Variants in CERS6 observed in about 807,000 individuals in gnomAD.
CERS6 encodes LAG1 homolog, ceramide synthase 6.
CERS6 carries 26 observed loss-of-function variants against 56.8 expected under a neutral mutation model. The ratio of observed to expected loss-of-function variants is 0.46; its 90% CI spans 0.34 to 0.63. The LOEUF is 0.63. Among genes scored for constraint, CERS6 ranks in the 30% least tolerant of loss-of-function variants. The pLI is 0.01. For synonymous variants in CERS6, 164 were observed against 173.3 expected (o/e 0.95, Z 0.42); for missense variants, 415 against 467.5 (o/e 0.89, Z 1.04).
intron 8 of CERS6, among the ~76,000 whole-genome samples, chr2:168,742,341 A>G (rs1683938293): frequency 6.6e-6 from 1 of 152,224 alleles, no homozygotes; most frequent in South Asian, 2.1e-4. Context: ...TTTACTCAAA[A>G]GTTATGCGTA....
chr2:168,558,048 T>C (rs1240394238), intron 2 of CERS6, among the ~76,000 whole-genome samples: 3 of 152,288 alleles, frequency 2.0e-5, no homozygotes, highest in East Asian at 3.9e-4. Flanking sequence ...AATGCTTCTC[T>C]CATAAAAAGG....
At chr2:168,557,118 TG>T (rs1310152863) in intron 2 of CERS6, among the ~76,000 whole-genome samples, 7 of 151,912 alleles carry the variant, frequency 4.6e-5, no homozygotes, top group Non-Finnish European at 7.4e-5. Context: ...TGAGCCGTGA[TG>T]GCGCCACTGT....
intron 8 of CERS6, among the ~76,000 whole-genome samples, chr2:168,763,493 C>T (rs142547275): frequency 0.018 from 2,652 of 151,440 alleles, 76 homozygotes; most frequent in African/African-American, 0.061. Flanking sequence ...AACTCCTGAC[C>T]TCAGGTGATC....
chr2:168,517,485 C>T (rs1277069754), intron 1 of CERS6, among the ~76,000 whole-genome samples: 1 of 149,792 alleles, frequency 6.7e-6, no homozygotes, highest in Non-Finnish European at 1.5e-5. Flanking sequence ...CAGCAAGACA[C>T]TGCCTCAAAA....
intron 6 of CERS6, among the ~76,000 whole-genome samples, chr2:168,695,367 A>G (rs1686619921): frequency 3.3e-5 from 5 of 152,164 alleles, no homozygotes; most frequent in Non-Finnish European, 7.4e-5. Flanking sequence ...ATAAAAAGCA[A>G]GAATTCTATT....
At chr2:168,559,068 A>G (rs1695737199) in intron 2 of CERS6, among the ~76,000 whole-genome samples, 1 of 152,216 alleles carries the variant, frequency 6.6e-6, no homozygotes, top group African/African-American at 2.4e-5. Flanking sequence ...AAGAAAATAA[A>G]TTGAAATTAA....
At chr2:168,535,025 TCGGGGACACGTCTTGGGACCAAGC>T (rs759148775) in intron 1 of CERS6, among the ~76,000 whole-genome samples, 4 of 152,222 alleles carry the variant, frequency 2.6e-5, no homozygotes, top group Non-Finnish European at 5.9e-5. Flanking sequence ...TGTTGGGCTG[TCGGGGACACGTCTTGGGACCAAGC>T]CGTCCAGCCT....
intron 6 of CERS6, among the ~76,000 whole-genome samples, chr2:168,709,534 G>C (rs1687037192): frequency 6.6e-6 from 1 of 152,078 alleles, no homozygotes; most frequent in Admixed American, 6.6e-5. Flanking sequence ...AGTATGTCCA[G>C]AAACAATATG....
intron 3 of CERS6, among the ~76,000 whole-genome samples, chr2:168,572,761 G>A (rs983460170): frequency 5.3e-5 from 8 of 152,032 alleles, no homozygotes; most frequent in African/African-American, 1.2e-4. Flanking sequence ...GAGACTTGCC[G>A]TGTTCGCTGT....
chr2:168,746,820 T>TATATATATATAA (rs1329677014), intron 8 of CERS6, among the ~76,000 whole-genome samples: 10 of 80,030 alleles, frequency 1.2e-4, no homozygotes, highest in Non-Finnish European at 1.7e-4. Context: ...TATATATATA[T>TATATATATATAA]AAAATCATCT....
At chr2:168,736,506 T>A (rs1683721845) in intron 8 of CERS6, among the ~76,000 whole-genome samples, 1 of 151,780 alleles carries the variant, frequency 6.6e-6, no homozygotes, top group Non-Finnish European at 1.5e-5. Context: ...GAAAAAAAAA[T>A]GTTTTGTAGC....
chr2:168,555,510 A>G (rs984932185), intron 2 of CERS6, among the ~76,000 whole-genome samples: 2 of 152,124 alleles, frequency 1.3e-5, no homozygotes, highest in Admixed American at 6.5e-5. Flanking sequence ...AACTATAACT[A>G]TAATTTTAAC....
At position 168,769,861 on chromosome 2, in the gene CERS6, T is replaced by C; in HGVS notation, c.*199T>C. On this transcript the variant is annotated 3_prime_UTR_variant, in exon 10 of 10. Transcript: ENST00000305747. ...TACCATTCTCTCTTTGTAGGCATGC[T>C]GTATGTAATTGACACAAGGGAACAG... 1 of 571,072 alleles carries C rather than the reference T, an allele frequency of 1.8e-6. No individual in the cohort carries two copies. The highest frequency in any genetic ancestry group is 3.0e-6 in the Non-Finnish European group (1 of 329,640). The allele number at this position is 571,072 out of a possible 1,614,324, so 35.4% of individuals were successfully genotyped here.
At chr2:168,589,218 T>TTTCC (rs542174006) in intron 3 of CERS6, among the ~76,000 whole-genome samples, 6 of 152,242 alleles carry the variant, frequency 3.9e-5, no homozygotes, top group Admixed American at 1.3e-4. Context: ...ACTTTGTTTT[T>TTTCC]TTCCTTCCTT....
At chr2:168,601,288 C>T (rs1683926464) in intron 3 of CERS6, among the ~76,000 whole-genome samples, 6 of 152,136 alleles carry the variant, frequency 3.9e-5, no homozygotes, top group Admixed American at 3.9e-4. Flanking sequence ...TTGAACCTAT[C>T]CCTGTATAAT....
chr2:168,590,708 A>G (rs958559500), intron 3 of CERS6, among the ~76,000 whole-genome samples: 5 of 152,172 alleles, frequency 3.3e-5, no homozygotes, highest in Non-Finnish European at 7.3e-5. Flanking sequence ...AATGTGTACT[A>G]TTAGTGGTGG....
chr2:168,562,552 A>C (rs1377856351), intron 3 of CERS6, among the ~76,000 whole-genome samples: 1 of 152,274 alleles, frequency 6.6e-6, no homozygotes, highest in Non-Finnish European at 1.5e-5. Context: ...AAGGGAAGGT[A>C]CTATGACTGG....
chr2:168,559,734 C>CT (rs1695752127), intron 2 of CERS6, among the ~76,000 whole-genome samples: 1 of 85,510 alleles, frequency 1.2e-5, no homozygotes, highest in Non-Finnish European at 2.5e-5. Flanking sequence ...AGAAAGGTAT[C>CT]ATATATATAT....
At chr2:168,525,663 A>G (rs879773610) in intron 1 of CERS6, among the ~76,000 whole-genome samples, 2 of 152,200 alleles carry the variant, frequency 1.3e-5, no homozygotes, top group Non-Finnish European at 2.9e-5. Flanking sequence ...CTGTGAAATG[A>G]TTTTATTTTG....
Sources: gnomAD v4.1 joint callset for allele counts (sites outside exome capture counted in the v4.1 genomes callset) on GRCh38, gnomAD v4.1.1 for gene constraint, MANE v1.5 for transcripts, NCBI Gene and HGNC (gene_info 2026-07-23, HGNC 2026-07-21) for gene names.